The following PLCG2 variants were observed in gnomAD, a reference collection of about 807,000 sequenced individuals.
The protein encoded by PLCG2 is phospholipase C gamma 2.
Under a neutral mutation model 175.6 loss-of-function variants are expected in PLCG2, and 69 were observed. The ratio of observed to expected loss-of-function variants is 0.39; its 90% CI spans 0.32 to 0.48. PLCG2 has a LOEUF of 0.48. Ranked by LOEUF, PLCG2 falls within the 20% of genes least tolerant of loss-of-function variation. The probability of loss-of-function intolerance (pLI) is 0.91; values close to 1 mark genes in which losing one functional copy is unlikely to be tolerated. For synonymous variants in PLCG2, 827 were observed against 624.0 expected (o/e 1.33, Z -4.85); for missense variants, 1,798 against 1,650.9 (o/e 1.09, Z -1.54).
At chr16:81,870,114 T>C (rs1358874811) in intron 6 of PLCG2, among the ~76,000 whole-genome samples, 1 of 152,084 alleles carries the variant, frequency 6.6e-6, no homozygotes, top group Non-Finnish European at 1.5e-5. Context: ...TCCACATTAA[T>C]CCAATAATAG....
chr16:81,809,251 T>C (rs2143286055), intron 2 of PLCG2, among the ~76,000 whole-genome samples: 1 of 152,266 alleles, frequency 6.6e-6, no homozygotes, highest in African/African-American at 2.4e-5. Context: ...GCCTGAGGGC[T>C]TCTGCTAGCC....
intron 2 of PLCG2, among the ~76,000 whole-genome samples, chr16:81,762,180 T>C (rs553692107): frequency 2.6e-5 from 4 of 152,288 alleles, no homozygotes; most frequent in East Asian, 3.9e-4. Flanking sequence ...TCTATGCCTC[T>C]TTCCAATTAT....
At chr16:81,880,434 A>G (rs1908022314) in intron 7 of PLCG2, among the ~76,000 whole-genome samples, 1 of 152,228 alleles carries the variant, frequency 6.6e-6, no homozygotes, top group East Asian at 1.9e-4. Context: ...ATAGAGAAAT[A>G]GGCACACAGG....
intron 2 of PLCG2, among the ~76,000 whole-genome samples, chr16:81,829,562 GAAATT>G (rs1172682289): frequency 6.6e-6 from 1 of 152,224 alleles, no homozygotes; most frequent in Non-Finnish European, 1.5e-5. Context: ...CCAAAAGTGA[GAAATT>G]AACATTACCA....
intron 31 of PLCG2, among the ~76,000 whole-genome samples, chr16:81,954,372 A>G (rs148699115): frequency 9.9e-4 from 151 of 152,096 alleles, no homozygotes; most frequent in African/African-American, 3.4e-3. Flanking sequence ...TATTCTGTAA[A>G]ATTTTACTTT....
At chr16:81,926,166 C>T (rs144808094) in intron 22 of PLCG2, among the ~76,000 whole-genome samples, 25 of 152,304 alleles carry the variant, frequency 1.6e-4, no homozygotes, top group African/African-American at 3.8e-4. Context: ...ATAGGGACGA[C>T]GGGCCAGCTG....
Position 81,960,456 on chromosome 16 carries a change from G to C in PLCG2, c.*2458G>C. On this transcript the variant is annotated 3_prime_UTR_variant, in exon 33 of 33. Coordinates refer to ENST00000564138, the MANE Select transcript of PLCG2 (RefSeq NM_002661.5). ...TTTTGTTCACCATTTTCCTAAGTGT[G>C]TTATTTAGAATATTGGTTATTACAA... is the stretch of plus-strand genomic sequence containing the variant. The C allele has an allele frequency of 4.4e-6, 1 of 228,572 alleles. No individual in the cohort carries two copies. Among genetic ancestry groups the C allele is most frequent in the Non-Finnish European group, 8.7e-6 (1 of 115,208 alleles). The allele number at this position is 228,572 out of a possible 1,614,324, so 14.2% of individuals were successfully genotyped here.
chr16:81,748,899 T>C (rs1427716396), intron 1 of PLCG2, among the ~76,000 whole-genome samples: 1 of 152,282 alleles, frequency 6.6e-6, no homozygotes, highest in South Asian at 2.1e-4. Flanking sequence ...CTGGCAGAGC[T>C]GGGATTGAAA....
At chr16:81,803,775 G>C (rs544583119) in intron 2 of PLCG2, among the ~76,000 whole-genome samples, 1 of 151,446 alleles carries the variant, frequency 6.6e-6, no homozygotes, top group African/African-American at 2.4e-5. Flanking sequence ...TCTACCTCCT[G>C]GATTCAAGTG....
chr16:81,899,766 G>T (rs1909064351), intron 13 of PLCG2, among the ~76,000 whole-genome samples: 1 of 152,188 alleles, frequency 6.6e-6, no homozygotes, highest in African/African-American at 2.4e-5. Context: ...GATACGCTTG[G>T]TTCAGGCACG....
intron 17 of PLCG2, among the ~76,000 whole-genome samples, chr16:81,910,265 A>AT (rs1366924858): frequency 1.3e-5 from 2 of 151,920 alleles, no homozygotes; most frequent in African/African-American, 2.4e-5. Flanking sequence ...TAATTTTTGT[A>AT]TTTTTAGTAG....
rs867866199 is a variant in PLCG2, at chr16:81,818,963, T to G, written c.193+32781T>G. On this transcript the variant is annotated intron_variant, in intron 2 of 32. Transcript: ENST00000564138. ...TAAATACAGCTTTTTAGTGAGAACT[T>G]AGGGTATTTCCAACACTGTCATCTT... Among the ~76,000 whole-genome samples, 3 of 147,784 alleles carry G rather than the reference T, an allele frequency of 2.0e-5. No homozygotes were observed. In the South Asian group the frequency reaches 6.4e-4, roughly 32 times the overall value.
At position 81,881,032 on chromosome 16, in the gene PLCG2, G is replaced by A; in HGVS notation, c.692+79G>A. 3 of 1,430,416 alleles carry A rather than the reference G, an allele frequency of 2.1e-6. No homozygotes were observed. In the South Asian group the frequency reaches 3.4e-5, roughly 16 times the overall value. 88.6% of individuals were successfully genotyped at this position (1,430,416 alleles called of 1,614,324 possible). On this transcript the variant is annotated intron_variant, in intron 8 of 32. Coordinates refer to ENST00000564138, the MANE Select transcript of PLCG2 (RefSeq NM_002661.5). The stretch of plus-strand genomic sequence containing the variant: ...GGTGCCCAGCCGGCCTCCAGGAGGG[G>A]ATGCCTGTGTGTGCAGGCGCTGACC...
At chr16:81,842,307 C>G (rs1905877123) in intron 2 of PLCG2, among the ~76,000 whole-genome samples, 2 of 152,170 alleles carry the variant, frequency 1.3e-5, no homozygotes, top group Non-Finnish European at 1.5e-5. Context: ...CCAGTGTGGA[C>G]TCTGTTGCAC....
At chr16:81,837,365 G>A (rs779927701) in intron 2 of PLCG2, among the ~76,000 whole-genome samples, 4 of 152,196 alleles carry the variant, frequency 2.6e-5, no homozygotes, top group Non-Finnish European at 4.4e-5. Flanking sequence ...TTTTCCAAAC[G>A]AGTGGGCACC....
At chr16:81,750,663 A>ATTTTTTATTTTTTTTTT (rs1909791120) in intron 1 of PLCG2, among the ~76,000 whole-genome samples, 1 of 68,446 alleles carries the variant, frequency 1.5e-5, no homozygotes, top group Non-Finnish European at 2.6e-5. Context: ...GGGACTGGAG[A>ATTTTTTATTTTTTTTTT]TTTTTTTTTT....
intron 9 of PLCG2, among the ~76,000 whole-genome samples, chr16:81,887,478 G>C (rs997661511): frequency 6.6e-6 from 1 of 152,174 alleles, no homozygotes; most frequent in African/African-American, 2.4e-5. Flanking sequence ...CAAAGATTCT[G>C]ACACCTCTGT....
At chr16:81,866,091 G>C (rs1567505919) in intron 5 of PLCG2, among the ~76,000 whole-genome samples, 1 of 131,732 alleles carries the variant, frequency 7.6e-6, no homozygotes, top group Non-Finnish European at 1.6e-5. Context: ...GCTCCACTGG[G>C]CACCAGCATG....
chr16:81,907,849 T>A, intron 16 of PLCG2, 75 bp downstream of exon 16: 1 of 1,032,374 alleles, frequency 9.7e-7, no homozygotes, highest in Non-Finnish European at 1.5e-6. Context: ...CGGGACCTCC[T>A]TCCCATGTGG....
Sources: gnomAD v4.1 joint callset for allele counts (sites outside exome capture counted in the v4.1 genomes callset) on GRCh38, gnomAD v4.1.1 for gene constraint, MANE v1.5 for transcripts, NCBI Gene and HGNC (gene_info 2026-07-23, HGNC 2026-07-21) for gene names.